STRBP: variants seen among roughly 807,000 people sequenced by gnomAD.
The protein encoded by STRBP is spermatid perinuclear RNA binding protein.
STRBP carries 13 observed loss-of-function variants against 80.1 expected under a neutral mutation model. That is an observed-to-expected ratio of 0.16 (90% CI 0.11 to 0.26). The LOEUF (loss-of-function observed/expected upper bound fraction) is 0.26, where lower values mean the gene tolerates loss of function less well. Among genes scored for constraint, STRBP ranks in the 10% least tolerant of loss-of-function variants. The probability of loss-of-function intolerance (pLI) is 1.00; values close to 1 mark genes in which losing one functional copy is unlikely to be tolerated. For missense variants in STRBP, 485 were observed against 815.2 expected (o/e 0.59, Z 4.93); for synonymous variants, 284 against 291.2 (o/e 0.98, Z 0.25).
intron 6 of STRBP, among the ~76,000 whole-genome samples, chr9:123,166,220 C>T (rs563650624): frequency 1.3e-5 from 2 of 152,328 alleles, no homozygotes; most frequent in African/African-American, 2.4e-5. Flanking sequence ...AAGAGTTTAA[C>T]TGTGCTTGGG....
In STRBP at chr9:123,146,822, A is replaced by T. The variant is rs1296582762; in HGVS notation, c.1338+33T>A. 5.8e-6 allele frequency: 9 copies of T among 1,539,656 alleles called. No homozygotes were observed. The African/African-American group carries it at 1.2e-4, about 21-fold the overall frequency. ...AGCATATTATTTGGAACATAAAATA[A>T]GAAAGCATTGCAAAGTAAAACAAAT... On this transcript the variant is annotated intron_variant, in intron 13 of 18. Coordinates refer to ENST00000348403, the MANE Select transcript of STRBP (RefSeq NM_018387.5).
chr9:123,220,558 G>A (rs1394379454), intron 2 of STRBP, among the ~76,000 whole-genome samples: 1 of 152,206 alleles, frequency 6.6e-6, no homozygotes, highest in Non-Finnish European at 1.5e-5. Context: ...ATACAATAAT[G>A]TAAACAACTA....
At chr9:123,160,254 A>C (rs1374574732) in intron 8 of STRBP, 113 bp downstream of exon 8, 3 of 600,524 alleles carry the variant, frequency 5.0e-6, no homozygotes, top group African/African-American at 1.9e-5. Context: ...AACATACATA[A>C]TGCATGCCTT....
At chr9:123,184,041 G>T in intron 3 of STRBP, 91 bp downstream of exon 3, 1 of 1,330,484 alleles carries the variant, frequency 7.5e-7, no homozygotes, top group Non-Finnish European at 1.1e-6. Flanking sequence ...TAACACCACT[G>T]TTTTTCATTT....
In STRBP at chr9:123,115,120, G is replaced by T. The variant is rs1393778046; in HGVS notation, c.*84+809C>A. ...GCCTTTTAAGAAGTGACTGCAGACTGTGTGTCCCACCTGCCACTTGACTCT... is the reference window on the plus strand; with the variant it reads ...GCCTTTTAAGAAGTGACTGCAGACTTTGTGTCCCACCTGCCACTTGACTCT... On this transcript the variant is annotated intron_variant and NMD_transcript_variant, in intron 3 of 3. Transcript: ENST00000471564. This position sits in a 1 kb window ranked among gnomAD's most constrained non-coding sequence, Gnocchi z 5.0. The T allele has an allele frequency of 2.3e-6, 1 of 440,368 alleles. No homozygotes were observed. Among genetic ancestry groups the T allele is most frequent in the African/African-American group, 2.0e-5 (1 of 49,576 alleles). 27.3% of individuals were successfully genotyped at this position (440,368 alleles called of 1,614,324 possible). A position where few individuals can be genotyped will look rare whatever the true frequency, so the allele number is the denominator to read the frequency against.
chr9:123,182,627 T>C (rs1298440277), intron 3 of STRBP, among the ~76,000 whole-genome samples: 1 of 152,200 alleles, frequency 6.6e-6, no homozygotes, highest in Non-Finnish European at 1.5e-5. Flanking sequence ...AATCTAGATC[T>C]AAAATATCAG....
chr9:123,230,577 T>C (rs1206323067), intron 2 of STRBP, among the ~76,000 whole-genome samples: 1 of 152,230 alleles, frequency 6.6e-6, no homozygotes, highest in East Asian at 1.9e-4. Flanking sequence ...CACAGACAGC[T>C]GCTCACCATT....
At chr9:123,208,263 A>G (rs991705969) in intron 2 of STRBP, among the ~76,000 whole-genome samples, 3 of 152,188 alleles carry the variant, frequency 2.0e-5, no homozygotes, top group Non-Finnish European at 2.9e-5. Flanking sequence ...AGAAGGTAAT[A>G]CTGCCCCAAA....
rs1214351157 is a variant in STRBP at position 123,126,190 on chromosome 9, G to A, written c.1943-517C>T. ...TACTTTCTGAATTTGTAATTAATACGTTCTTGTGGCCTCACAGACTTCTGC... is the reference window on the plus strand; with the variant it reads ...TACTTTCTGAATTTGTAATTAATACATTCTTGTGGCCTCACAGACTTCTGC... On this transcript the variant is annotated intron_variant, in intron 18 of 18. Coordinates refer to ENST00000348403, the MANE Select transcript of STRBP (RefSeq NM_018387.5). This position sits in a 1 kb window ranked among gnomAD's most constrained non-coding sequence, Gnocchi z 4.4. Among the ~76,000 whole-genome samples the A allele has an allele frequency of 6.6e-6, 1 of 152,178 alleles. No individual in the cohort carries two copies. The highest frequency in any genetic ancestry group is 1.5e-5 in the Non-Finnish European group (1 of 68,016).
chr9:123,262,464 A>T (rs189614874), intron 1 of STRBP, among the ~76,000 whole-genome samples: 40 of 152,304 alleles, frequency 2.6e-4, no homozygotes, highest in Admixed American at 7.8e-4. Flanking sequence ...GCAGTAAGAA[A>T]CATCTTACCC....
intron 1 of STRBP, among the ~76,000 whole-genome samples, chr9:123,263,074 C>T (rs1052151816): frequency 1.3e-5 from 2 of 152,096 alleles, no homozygotes; most frequent in Non-Finnish European, 1.5e-5. Flanking sequence ...TGTAGCTAAA[C>T]GAATTTTGAA....
chr9:123,148,085 AT>A (rs2036896906), intron 11 of STRBP, among the ~76,000 whole-genome samples: 1 of 152,084 alleles, frequency 6.6e-6, no homozygotes, highest in Admixed American at 6.6e-5. Flanking sequence ...TTTTATATTT[AT>A]TTTTTCCCAT....
intron 2 of STRBP, among the ~76,000 whole-genome samples, chr9:123,205,309 C>A (rs893234672): frequency 6.6e-6 from 1 of 152,130 alleles, no homozygotes; most frequent in Non-Finnish European, 1.5e-5. Flanking sequence ...CCTCTGTCTG[C>A]TGAAGCACAC....
chr9:123,182,807 T>C (rs568030751), intron 3 of STRBP, among the ~76,000 whole-genome samples: 1 of 151,956 alleles, frequency 6.6e-6, no homozygotes, highest in South Asian at 2.1e-4. Flanking sequence ...AGCCAAGGCG[T>C]TCCAGACCAG....
intron 1 of STRBP, among the ~76,000 whole-genome samples, chr9:123,265,724 T>C (rs1190837793): frequency 6.6e-6 from 1 of 152,190 alleles, no homozygotes; most frequent in Non-Finnish European, 1.5e-5. Context: ...CTGAAGGCCA[T>C]ATGTCCGCCC....
chr9:123,109,618 A>G (rs1218464454), exon 4 of STRBP: 1 of 152,198 alleles, frequency 6.6e-6, no homozygotes, highest in Admixed American at 6.5e-5. Flanking sequence ...AGTCCAACAT[A>G]CTCAGTGCGA....
At chr9:123,181,981 G>C (rs368683743) in intron 3 of STRBP, among the ~76,000 whole-genome samples, 1 of 151,540 alleles carries the variant, frequency 6.6e-6, no homozygotes, top group Non-Finnish European at 1.5e-5. Context: ...TTTGGCTCAC[G>C]AGGAGGGTGG....
At chr9:123,262,666 G>C (rs1404711715) in intron 1 of STRBP, among the ~76,000 whole-genome samples, 1 of 152,210 alleles carries the variant, frequency 6.6e-6, no homozygotes, top group East Asian at 1.9e-4. Context: ...AGTTATGTCA[G>C]AAGTTAAGAG....
Position 123,122,782 on chromosome 9 carries a change from G to A in STRBP, c.*2815C>T. On this transcript the variant is annotated 3_prime_UTR_variant, in exon 19 of 19. Transcript: ENST00000348403. Reference sequence around the variant, plus strand: ...AACGCTAACTGACGCAGTCAGGAATGTAACTATTTATGTGCTAAAAAGTGT... The same window carrying A: ...AACGCTAACTGACGCAGTCAGGAATATAACTATTTATGTGCTAAAAAGTGT... 1.0e-6 allele frequency: 1 copy of A among 991,266 alleles called. No individual in the cohort carries two copies. The highest frequency in any genetic ancestry group is 1.2e-6 in the Non-Finnish European group (1 of 833,822). The allele number at this position is 991,266 out of a possible 1,614,324, so 61.4% of individuals were successfully genotyped here.
Sources: gnomAD v4.1 joint callset for allele counts (sites outside exome capture counted in the v4.1 genomes callset) on GRCh38, gnomAD v4.1.1 for gene constraint, Gnocchi (gnomAD v3.1) non-coding constraint, MANE v1.5 for transcripts, NCBI Gene and HGNC (gene_info 2026-07-23, HGNC 2026-07-21) for gene names.